MTUS2: variants seen among roughly 807,000 people sequenced by gnomAD.
The protein encoded by MTUS2 is microtubule-associated tumor suppressor candidate 2.
A neutral mutation model predicts 114.1 loss-of-function variants in MTUS2; 40 were observed. That is an observed-to-expected ratio of 0.35 (90% CI 0.27 to 0.46). The LOEUF (loss-of-function observed/expected upper bound fraction) is 0.46. Ranked by LOEUF, MTUS2 falls within the 20% of genes least tolerant of loss-of-function variation. MTUS2 has a pLI of 1.00. For synonymous variants in MTUS2, 688 were observed against 672.0 expected (o/e 1.02, Z -0.37); for missense variants, 1,679 against 1,705.4 (o/e 0.98, Z 0.27).
At chr13:29,175,798 A>C (rs1893748362) in intron 5 of MTUS2, among the ~76,000 whole-genome samples, 1 of 151,818 alleles carries the variant, frequency 6.6e-6, no homozygotes, top group African/African-American at 2.4e-5. Context: ...GGAAACTCAC[A>C]ACAGAGGTTT....
At chr13:29,206,542 T>G (rs899396148) in intron 5 of MTUS2, among the ~76,000 whole-genome samples, 2 of 152,256 alleles carry the variant, frequency 1.3e-5, no homozygotes, top group African/African-American at 4.8e-5. Context: ...TGGTTTCAGA[T>G]CTTAGATTTA....
intron 4 of MTUS2, among the ~76,000 whole-genome samples, chr13:29,072,416 A>G (rs563468254): frequency 5.9e-5 from 9 of 152,274 alleles, no homozygotes; most frequent in East Asian, 3.9e-4. Flanking sequence ...AATCCAGTCA[A>G]TGTTGTTGAC....
intron 5 of MTUS2, among the ~76,000 whole-genome samples, chr13:29,156,499 G>A (rs867277228): frequency 6.6e-6 from 1 of 152,126 alleles, no homozygotes; most frequent in Non-Finnish European, 1.5e-5. Flanking sequence ...CTGGAAAGAT[G>A]TTGGATGATG....
intron 8 of MTUS2, among the ~76,000 whole-genome samples, chr13:29,387,600 C>T (rs1458104033): frequency 3.3e-5 from 5 of 152,088 alleles, no homozygotes; most frequent in Non-Finnish European, 4.4e-5. Context: ...GGGAGACCCG[C>T]GAGGGGCTGT....
intron 5 of MTUS2, among the ~76,000 whole-genome samples, chr13:29,105,866 G>A (rs1197846671): frequency 3.3e-5 from 5 of 152,122 alleles, no homozygotes; most frequent in African/African-American, 9.7e-5. Context: ...ACAGCCTTTT[G>A]GAAGGTGGAG....
intron 9 of MTUS2, among the ~76,000 whole-genome samples, chr13:29,470,289 G>C (rs1880184726): frequency 6.6e-6 from 1 of 152,116 alleles, no homozygotes; most frequent in Non-Finnish European, 1.5e-5. Flanking sequence ...TCAAAATTTA[G>C]CAGTCTTGAA....
rs181419332 is a variant in MTUS2, at chr13:28,911,972, A to G, written c.-243+72122A>G. Among the ~76,000 whole-genome samples the G allele has an allele frequency of 1.0e-4, 15 of 150,580 alleles. No individual in the cohort carries two copies. The East Asian group carries it at 2.7e-3, about 28-fold the overall frequency. On this transcript the variant is annotated intron_variant, in intron 2 of 15. Transcript: ENST00000612955. Reference sequence around the variant, plus strand: ...TAGGTTGTCTCTTCACTCTGATGATAGTTTCTTTTGCTCTGCAGAAGCCCT... The same window carrying G: ...TAGGTTGTCTCTTCACTCTGATGATGGTTTCTTTTGCTCTGCAGAAGCCCT...
intron 2 of MTUS2, among the ~76,000 whole-genome samples, chr13:28,970,320 C>T (rs372072207): frequency 2.0e-4 from 30 of 152,274 alleles, no homozygotes; most frequent in African/African-American, 6.7e-4. Context: ...ATTCCTCAGA[C>T]ACCATTGGAA....
chr13:28,830,628 A>G (rs1302891179), intron 1 of MTUS2, among the ~76,000 whole-genome samples: 3 of 152,182 alleles, frequency 2.0e-5, no homozygotes, highest in East Asian at 1.9e-4. Context: ...CAAAGGAATG[A>G]AGAGAAATGA....
intron 5 of MTUS2, among the ~76,000 whole-genome samples, chr13:29,135,302 T>C (rs186318784): frequency 2.6e-5 from 4 of 152,360 alleles, no homozygotes; most frequent in African/African-American, 4.8e-5. Context: ...TTGTCTCTTA[T>C]AACTTTTTTT....
At chr13:29,091,955 C>T (rs995695458) in intron 4 of MTUS2, among the ~76,000 whole-genome samples, 27 of 152,290 alleles carry the variant, frequency 1.8e-4, no homozygotes, top group African/African-American at 4.8e-4. Context: ...GGAAAGACCC[C>T]GGTGGAGGTG....
chr13:29,142,084 TCTC>T (rs1435854052), intron 5 of MTUS2, among the ~76,000 whole-genome samples: 21 of 152,130 alleles, frequency 1.4e-4, no homozygotes, highest in African/African-American at 4.8e-4. Context: ...ATGGTCTCGA[TCTC>T]CTGACCTCAT....
chr13:28,851,818 T>C (rs1307119013), intron 2 of MTUS2, among the ~76,000 whole-genome samples: 1 of 60,526 alleles, frequency 1.7e-5, no homozygotes, highest in South Asian at 3.3e-4. Context: ...TGAGCAGGAC[T>C]TAGCGCCCAG....
intron 5 of MTUS2, among the ~76,000 whole-genome samples, chr13:29,175,238 G>T (rs1396190092): frequency 6.6e-6 from 1 of 152,084 alleles, no homozygotes; most frequent in African/African-American, 2.4e-5. Flanking sequence ...AATAATGAAA[G>T]ATAAAAGAAT....
chr13:29,152,626 T>G (rs1202629897), intron 5 of MTUS2, among the ~76,000 whole-genome samples: 1 of 151,986 alleles, frequency 6.6e-6, no homozygotes, highest in African/African-American at 2.4e-5. Context: ...TCATTGACAG[T>G]TGCTGGACAG....
At chr13:29,048,152 A>C (rs1887722210) in intron 4 of MTUS2, among the ~76,000 whole-genome samples, 1 of 151,914 alleles carries the variant, frequency 6.6e-6, no homozygotes, top group Non-Finnish European at 1.5e-5. Flanking sequence ...TATCTAATCT[A>C]CTCTTCATCC....
intron 2 of MTUS2, among the ~76,000 whole-genome samples, chr13:28,977,567 A>G (rs1884171353): frequency 6.6e-6 from 1 of 152,264 alleles, no homozygotes; most frequent in African/African-American, 2.4e-5. Flanking sequence ...TTATCCGACA[A>G]AATAGAGTTT....
At position 29,390,568 on chromosome 13, in the gene MTUS2, G is replaced by A. The variant is rs181485423; in HGVS notation, c.3117+31095G>A. Among the ~76,000 whole-genome samples the A allele has an allele frequency of 1.5e-3, 227 of 150,756 alleles. 1 individual carries two copies. The highest frequency in any genetic ancestry group is 5.2e-3 in the African/African-American group (215 of 41,068). On this transcript the variant is annotated intron_variant, in intron 8 of 15. Transcript: ENST00000612955. Reference sequence around the variant, plus strand: ...CCCAGGAGGCTGAGGCAGGAGAATCGCTGGAACCCAGGAGGCAGAAGCTGA... The same window carrying A: ...CCCAGGAGGCTGAGGCAGGAGAATCACTGGAACCCAGGAGGCAGAAGCTGA...
intron 1 of MTUS2, among the ~76,000 whole-genome samples, chr13:28,829,253 C>A (rs1379689190): frequency 6.6e-6 from 1 of 152,144 alleles, no homozygotes; most frequent in Non-Finnish European, 1.5e-5. Context: ...AAGTCAGGCA[C>A]AGTGGCTCAC....
Sources: allele counts gnomAD v4.1 joint callset (sites outside exome capture counted in the v4.1 genomes callset), GRCh38; gene constraint gnomAD v4.1.1; transcripts MANE v1.5; gene names NCBI Gene and HGNC (gene_info 2026-07-23, HGNC 2026-07-21).